Variants in PARD3B observed in about 807,000 individuals in gnomAD.
The protein encoded by PARD3B is partitioning defective 3 homolog B.
PARD3B carries 103 observed loss-of-function variants against 130.2 expected under a neutral mutation model. The observed-to-expected ratio is 0.79, with a 90% CI of 0.67 to 0.93. The LOEUF (loss-of-function observed/expected upper bound fraction) is 0.93, where lower values mean the gene tolerates loss of function less well. PARD3B is among the 40% of genes least tolerant of loss of function. PARD3B has a pLI of 0.00. For missense variants in PARD3B, 1,609 were observed against 1,499.2 expected (o/e 1.07, Z -1.21); for synonymous variants, 583 against 553.2 (o/e 1.05, Z -0.76).
intron 18 of PARD3B, among the ~76,000 whole-genome samples, chr2:205,323,379 C>T (rs1364807600): frequency 3.3e-5 from 5 of 152,150 alleles, no homozygotes; most frequent in East Asian, 1.9e-4. Flanking sequence ...GGAGAATCCA[C>T]GTGCAGTTAC....
chr2:205,542,144 CAAAAAAAA>C (rs71032484), intron 21 of PARD3B, among the ~76,000 whole-genome samples: 13 of 38,050 alleles, frequency 3.4e-4, no homozygotes, highest in South Asian at 1.6e-3. Flanking sequence ...ACTCCGTCTC[CAAAAAAAA>C]AAAAAAAAAA....
chr2:204,801,190 C>G (rs1051914946), intron 2 of PARD3B, among the ~76,000 whole-genome samples: 4 of 152,168 alleles, frequency 2.6e-5, no homozygotes, highest in African/African-American at 9.7e-5. Flanking sequence ...ATTGTCTTGG[C>G]TATATGGGCT....
intron 3 of PARD3B, among the ~76,000 whole-genome samples, chr2:204,977,612 A>G (rs1192789424): frequency 6.6e-6 from 1 of 152,040 alleles, no homozygotes; most frequent in Non-Finnish European, 1.5e-5. Context: ...GATCGAGACC[A>G]TCCTGGCTAA....
intron 10 of PARD3B, among the ~76,000 whole-genome samples, chr2:205,154,600 T>A (rs555676407): frequency 2.2e-4 from 34 of 152,302 alleles, no homozygotes; most frequent in African/African-American, 7.9e-4. Flanking sequence ...TGCACACATA[T>A]GTTTATTGCG....
rs930503140 is a variant in PARD3B at position 204,677,550 on chromosome 2, G to A, written c.121-8631G>A. ...AACCTTTGTGGTTACTGTCACATGG[G>A]TCATCTCCAGTTAGTTAATGATGGT... On this transcript the variant is annotated intron_variant, in intron 1 of 22. Coordinates refer to ENST00000406610, the MANE Select transcript of PARD3B (RefSeq NM_001302769.2). This position sits in a 1 kb window ranked among gnomAD's most constrained non-coding sequence, Gnocchi z 4.1. 2.0e-4 allele frequency among the ~76,000 whole-genome samples: 31 copies of A among 152,116 alleles called. No homozygotes were observed. The highest frequency in any genetic ancestry group is 7.5e-4 in the African/African-American group (31 of 41,432).
At chr2:204,555,809 C>G (rs1356081863) in intron 1 of PARD3B, among the ~76,000 whole-genome samples, 1 of 152,108 alleles carries the variant, frequency 6.6e-6, no homozygotes, top group African/African-American at 2.4e-5. Context: ...TCTCAGTTAT[C>G]CACCTATCTG....
chr2:205,551,928 G>A (rs762193827), intron 21 of PARD3B, among the ~76,000 whole-genome samples: 9 of 152,148 alleles, frequency 5.9e-5, no homozygotes, highest in Non-Finnish European at 1.0e-4. Flanking sequence ...CATGTGTGAG[G>A]GATATCCAAG....
At chr2:205,186,943 T>G (rs1016999693) in intron 14 of PARD3B, among the ~76,000 whole-genome samples, 2 of 152,198 alleles carry the variant, frequency 1.3e-5, no homozygotes, top group Non-Finnish European at 2.9e-5. Flanking sequence ...TACCTTACTG[T>G]TTATCCTGTA....
intron 3 of PARD3B, among the ~76,000 whole-genome samples, chr2:204,991,022 A>C (rs13421770): frequency 0.018 from 2,673 of 151,876 alleles, 39 homozygotes; most frequent in African/African-American, 0.04. Context: ...CAAATGTCTT[A>C]GTATTTCTGT....
intron 3 of PARD3B, among the ~76,000 whole-genome samples, chr2:205,027,545 C>T (rs530435285): frequency 6.6e-6 from 1 of 151,732 alleles, no homozygotes; most frequent in East Asian, 1.9e-4. Flanking sequence ...TTTTCCTTTG[C>T]TGTGCAGAAG....
In PARD3B at chr2:205,568,118, A is replaced by G. The variant is rs17596517; in HGVS notation, c.3260+14715A>G. ...GATGCTTGGATAAGGACCGTAGTGGACAGAAGTGCTGCAGTGATGGGGGTG... is the reference window on the plus strand; with the variant it reads ...GATGCTTGGATAAGGACCGTAGTGGGCAGAAGTGCTGCAGTGATGGGGGTG... On this transcript the variant is annotated intron_variant, in intron 22 of 22. Coordinates refer to ENST00000406610, the MANE Select transcript of PARD3B (RefSeq NM_001302769.2). The surrounding 1 kb of genome is among the most constrained non-coding windows in gnomAD (Gnocchi z 5.3). 0.08 allele frequency among the ~76,000 whole-genome samples: 12,157 copies of G among 152,236 alleles called. 657 individuals carry two copies. Among genetic ancestry groups the G allele is most frequent in the East Asian group, 0.18 (918 of 5,170 alleles).
At chr2:204,927,835 G>GGTAC (rs1363391944) in intron 2 of PARD3B, among the ~76,000 whole-genome samples, 119 of 144,826 alleles carry the variant, frequency 8.2e-4, no homozygotes, top group African/African-American at 2.9e-3. Flanking sequence ...TAGGTAGGTA[G>GGTAC]GTACGTAGGT....
At chr2:205,098,262 G>A (rs1702521923) in intron 4 of PARD3B, among the ~76,000 whole-genome samples, 1 of 152,070 alleles carries the variant, frequency 6.6e-6, no homozygotes, top group African/African-American at 2.4e-5. Context: ...TTTTCAGAAT[G>A]CAAATCTTGT....
intron 20 of PARD3B, among the ~76,000 whole-genome samples, chr2:205,456,310 G>C (rs2048275092): frequency 6.6e-6 from 1 of 152,042 alleles, no homozygotes; most frequent in African/African-American, 2.4e-5. Context: ...TACAAACAGA[G>C]TTGCTATAAA....
Position 205,280,208 on chromosome 2 carries a change from T to G in PARD3B, c.2186-20322T>G, listed in dbSNP as rs548887087. ...CAAAATAACAGTCACTACTCCTTTT[T>G]CCCGTGCATGAACTTTGGAACAGAA... On this transcript the variant is annotated intron_variant, in intron 16 of 22. Transcript: ENST00000406610. The surrounding 1 kb of genome is among the most constrained non-coding windows in gnomAD (Gnocchi z 4.7). Among the ~76,000 whole-genome samples the G allele has an allele frequency of 6.6e-6, 1 of 152,332 alleles. No homozygotes were observed. Among genetic ancestry groups the G allele is most frequent in the South Asian group, 2.1e-4 (1 of 4,830 alleles).
Position 205,280,727 on chromosome 2 carries a change from C to A in PARD3B, c.2186-19803C>A, listed in dbSNP as rs2105835248. Among the ~76,000 whole-genome samples, 1 of 152,314 alleles carries A rather than the reference C, an allele frequency of 6.6e-6. No individual in the cohort carries two copies. The highest frequency in any genetic ancestry group is 6.5e-5 in the Admixed American group (1 of 15,292). ...AGAGCCTTGACATGTCCTATAATTG[C>A]CACTTGGCTAACAAACATTTGATAC... On this transcript the variant is annotated intron_variant, in intron 16 of 22. Coordinates refer to ENST00000406610, the MANE Select transcript of PARD3B (RefSeq NM_001302769.2). This position sits in a 1 kb window ranked among gnomAD's most constrained non-coding sequence, Gnocchi z 4.7.
chr2:205,541,957 A>AAC (rs888305593), intron 21 of PARD3B, among the ~76,000 whole-genome samples: 2 of 151,804 alleles, frequency 1.3e-5, no homozygotes, highest in African/African-American at 4.8e-5. Context: ...CAGCGTGACC[A>AAC]ACATGGTGAA....
chr2:205,053,782 C>T (rs193263401), intron 4 of PARD3B, among the ~76,000 whole-genome samples: 1 of 152,206 alleles, frequency 6.6e-6, no homozygotes, highest in African/African-American at 2.4e-5. Flanking sequence ...AGAAGGATGG[C>T]TCTATCCATT....
At chr2:204,737,094 G>A (rs2039791337) in intron 2 of PARD3B, among the ~76,000 whole-genome samples, 1 of 151,932 alleles carries the variant, frequency 6.6e-6, no homozygotes. Flanking sequence ...TTACAGCTAT[G>A]GAATTACAGC....
Sources: allele counts gnomAD v4.1 joint callset (sites outside exome capture counted in the v4.1 genomes callset), GRCh38; gene constraint gnomAD v4.1.1; non-coding constraint Gnocchi (gnomAD v3.1); transcripts MANE v1.5; gene names NCBI Gene and HGNC (gene_info 2026-07-23, HGNC 2026-07-21).